MXI1: variants seen among roughly 807,000 people sequenced by gnomAD.
The protein encoded by MXI1 is MAX interactor 1, dimerization protein.
Under a neutral mutation model 36.9 loss-of-function variants are expected in MXI1, and 18 were observed. The ratio of observed to expected loss-of-function variants is 0.49; its 90% confidence interval spans 0.34 to 0.72. The LOEUF (loss-of-function observed/expected upper bound fraction) is 0.72, where lower values mean the gene tolerates loss of function less well. MXI1 is among the 30% of genes least tolerant of loss of function. MXI1 has a pLI of 0.01. For missense variants in MXI1, 304 were observed against 379.1 expected (o/e 0.80, Z 1.64); for synonymous variants, 160 against 146.7 (o/e 1.09, Z -0.65).
intron 5 of MXI1, among the ~76,000 whole-genome samples, chr10:110,282,150 C>T (rs1857273279): frequency 6.6e-6 from 1 of 152,146 alleles, no homozygotes; most frequent in Admixed American, 6.5e-5. Context: ...TAGCAGCTTC[C>T]AGAAGTAACA....
At chr10:110,224,164 G>A (rs143634027) in intron 1 of MXI1, among the ~76,000 whole-genome samples, 1 of 152,288 alleles carries the variant, frequency 6.6e-6, no homozygotes, top group African/African-American at 2.4e-5. Context: ...ATGACCACGG[G>A]AGGGGGAAAC....
intron 3 of MXI1, among the ~76,000 whole-genome samples, chr10:110,266,509 TTG>T (rs557404920): frequency 2.0e-5 from 3 of 152,186 alleles, no homozygotes; most frequent in Non-Finnish European, 4.4e-5. Context: ...CCCAAATGTC[TTG>T]TGAAAACAAC....
chr10:110,284,714 T>C, intron 5 of MXI1, 110 bp from the exon 6 acceptor site: 2 of 1,037,944 alleles, frequency 1.9e-6, no homozygotes, highest in South Asian at 1.8e-5. Flanking sequence ...TCACTGATAA[T>C]AAGCTTGTTG....
chr10:110,247,461 C>T (rs1365644045), intron 3 of MXI1, among the ~76,000 whole-genome samples: 1 of 152,164 alleles, frequency 6.6e-6, no homozygotes, highest in African/African-American at 2.4e-5. Context: ...AGTCCTTGCC[C>T]ATGCCTATGT....
At chr10:110,217,085 C>T (rs755524725) in intron 1 of MXI1, among the ~76,000 whole-genome samples, 5 of 152,010 alleles carry the variant, frequency 3.3e-5, no homozygotes, top group African/African-American at 7.3e-5. Context: ...ACATTCCACT[C>T]GCAGTTCTTT....
intron 1 of MXI1, among the ~76,000 whole-genome samples, chr10:110,208,744 C>CA (rs1220198209): frequency 6.7e-6 from 1 of 148,304 alleles, no homozygotes; most frequent in African/African-American, 2.6e-5. Flanking sequence ...ACCGCCGCCC[C>CA]CCCCCCCCCA....
intron 3 of MXI1, among the ~76,000 whole-genome samples, chr10:110,263,470 A>G (rs1856584168): frequency 6.6e-6 from 1 of 152,192 alleles, no homozygotes. Context: ...CAATGGTTTT[A>G]CAGATGAAAG....
At chr10:110,245,045 A>G (rs1028937696) in intron 3 of MXI1, among the ~76,000 whole-genome samples, 188 bp downstream of exon 3, 12 of 152,174 alleles carry the variant, frequency 7.9e-5, no homozygotes, top group South Asian at 2.1e-4. Context: ...AGCAGCTAGA[A>G]GACATAAATA....
At chr10:110,239,312 T>G (rs1855582384) in intron 2 of MXI1, among the ~76,000 whole-genome samples, 1 of 152,160 alleles carries the variant, frequency 6.6e-6, no homozygotes, top group African/African-American at 2.4e-5. Flanking sequence ...TCAACTTCTT[T>G]CAGTTTAGTT....
chr10:110,242,742 A>G (rs1855717231), intron 2 of MXI1, among the ~76,000 whole-genome samples: 1 of 151,988 alleles, frequency 6.6e-6, no homozygotes, highest in Admixed American at 6.6e-5. Flanking sequence ...TCAATATAAT[A>G]TTGGAATTCA....
chr10:110,230,832 A>G (rs998964129), intron 2 of MXI1, among the ~76,000 whole-genome samples: 1 of 152,200 alleles, frequency 6.6e-6, no homozygotes, highest in African/African-American at 2.4e-5. Context: ...AGAAATTTCC[A>G]TGTATTTATC....
At chr10:110,268,098 C>T (rs186181806) in intron 3 of MXI1, among the ~76,000 whole-genome samples, 24 of 152,236 alleles carry the variant, frequency 1.6e-4, no homozygotes, top group Middle Eastern at 3.4e-3. Flanking sequence ...TATACTTAGG[C>T]GAGAGAGCCA....
chr10:110,228,853 T>C (rs1855158794), intron 2 of MXI1, among the ~76,000 whole-genome samples: 1 of 152,282 alleles, frequency 6.6e-6, no homozygotes, highest in African/African-American at 2.4e-5. Flanking sequence ...TGGTGGGCTC[T>C]TAAAGCAAAA....
intron 1 of MXI1, chr10:110,225,958 G>C (rs1031446611): frequency 2.1e-6 from 2 of 939,780 alleles, no homozygotes; most frequent in African/African-American, 3.6e-5. Context: ...GGGCCCCGGC[G>C]CTGCTCCCGC....
intron 3 of MXI1, among the ~76,000 whole-genome samples, chr10:110,267,561 G>T (rs552987990): frequency 5.3e-4 from 80 of 152,180 alleles, no homozygotes; most frequent in African/African-American, 1.9e-3. Flanking sequence ...GCTTGTATTC[G>T]ACAAAGCTGT....
chr10:110,264,016 T>C (rs1856604082), intron 3 of MXI1, among the ~76,000 whole-genome samples: 1 of 152,136 alleles, frequency 6.6e-6, no homozygotes, highest in South Asian at 2.1e-4. Flanking sequence ...GCTACAGAGA[T>C]TGTTATTGAA....
intron 3 of MXI1, 66 bp from the exon 4 acceptor site, chr10:110,279,114 A>G: frequency 8.2e-7 from 1 of 1,217,756 alleles, no homozygotes; most frequent in South Asian, 1.2e-5. Flanking sequence ...TTATCTTAAA[A>G]TAGGTTTTAT....
chr10:110,260,501 A>G (rs1856474474), intron 3 of MXI1, among the ~76,000 whole-genome samples: 1 of 151,692 alleles, frequency 6.6e-6, no homozygotes, highest in African/African-American at 2.4e-5. Context: ...CTTGAGACAC[A>G]CACACACACA....
chr10:110,207,735 T>TC lies in MXI1; in HGVS notation c.-71dup. On this transcript the variant is annotated 5_prime_UTR_variant, in exon 1 of 6. Coordinates refer to ENST00000332674, the MANE Select transcript of MXI1 (RefSeq NM_130439.3). ...CTTCTCTGCTCCAGCCGGCCGGGTC[T>TC]CCCTGGGGGCCCGGAGCTCGGCCGG... 9.7e-7 allele frequency: 1 copy of TC among 1,029,130 alleles called. No homozygotes were observed. The highest frequency in any genetic ancestry group is 1.2e-6 in the Non-Finnish European group (1 of 843,596). The allele number at this position is 1,029,130 out of a possible 1,614,324, so 63.7% of individuals were successfully genotyped here. A position where few individuals can be genotyped will look rare whatever the true frequency, so the allele number is the denominator to read the frequency against.
Sources: gnomAD v4.1 joint callset for allele counts (sites outside exome capture counted in the v4.1 genomes callset) on GRCh38, gnomAD v4.1.1 for gene constraint, MANE v1.5 for transcripts, NCBI Gene and HGNC (gene_info 2026-07-23, HGNC 2026-07-21) for gene names.